The following C11orf91 variants were observed in gnomAD, a reference collection of about 807,000 sequenced individuals.
C11orf91 encodes the protein uncharacterized protein C11orf91.
C11orf91 carries 10 observed loss-of-function variants against 14.3 expected under a neutral mutation model. The ratio of observed to expected loss-of-function variants is 0.70; its 90% CI spans 0.43 to 1.18. The LOEUF is 1.18. Among genes scored for constraint, C11orf91 ranks in the 50% most tolerant of loss-of-function variants. The probability of loss-of-function intolerance (pLI) is 0.00; values close to 1 mark genes in which losing one functional copy is unlikely to be tolerated. For missense variants in C11orf91, 236 were observed against 269.0 expected, an observed-to-expected ratio of 0.88 and a Z score of 0.86; for synonymous variants, 141 against 130.6, an observed-to-expected ratio of 1.08 and a Z score of -0.54.
In C11orf91 at chr11:33,700,794, A is replaced by C; in HGVS notation, c.-54T>G. The C allele has an allele frequency of 8.0e-7, 1 of 1,257,684 alleles. No homozygotes were observed. The allele number at this position is 1,257,684 out of a possible 1,614,324, so 77.9% of individuals were successfully genotyped here. ...ACCCCGCGCCGGGAGACGCGCGCTC[A>C]GGCCCCGAGTCGCCGGGGTTTCGAG... is the stretch of plus-strand genomic sequence containing the variant. On this transcript the variant is annotated 5_prime_UTR_variant, in exon 1 of 2. Coordinates refer to ENST00000379011, the MANE Select transcript of C11orf91 (RefSeq NM_001166692.2).
Position 33,700,431 on chromosome 11 carries a change from C to A in C11orf91, c.310G>T (p.Glu104Ter), listed in dbSNP as rs565706379. Reference sequence around the variant, plus strand: ...GGTGAGTAGAAGAAGCGCAGAGGCTCGTAGGGGATGGAGGCCAGGCCGGAG... The same window carrying A: ...GGTGAGTAGAAGAAGCGCAGAGGCTAGTAGGGGATGGAGGCCAGGCCGGAG... ...WPSGLASIPY[E>*]PLRFFYSPPP... Residue 104 changes from glutamate (E) to a stop codon, truncating the protein, a stop_gained, in exon 1 of 2, where the codon GAG becomes TAG. Transcript: ENST00000379011. LOFTEE classifies it high-confidence loss of function. 3 of 1,414,790 alleles carry A rather than the reference C, an allele frequency of 2.1e-6. No homozygotes were observed. In the African/African-American group the frequency reaches 4.4e-5, roughly 21 times the overall value. 87.6% of individuals were successfully genotyped at this position (1,414,790 alleles called of 1,614,324 possible). A position where few individuals can be genotyped will look rare whatever the true frequency, so the allele number is the denominator to read the frequency against.
chr11:33,700,648 G>A lies in C11orf91; in HGVS notation c.93C>T (p.Ile31=), dbSNP rs1286682193. The A allele has an allele frequency of 3.4e-6, 5 of 1,472,792 alleles. No homozygotes were observed. Among genetic ancestry groups the A allele is most frequent in the Non-Finnish European group, 4.5e-6 (5 of 1,116,270 alleles). The allele number at this position is 1,472,792 out of a possible 1,614,324, so 91.2% of individuals were successfully genotyped here. The part of the protein sequence containing the change: ...LYFPSLYDRG[I]SSSPLSDFNI... ...TGAAGTCGCTGAGCGGGGACGAGGA[G>A]ATGCCGCGGTCGTACAGGGACGGGA... Residue 31 remains isoleucine, a synonymous_variant, in exon 1 of 2, where the codon ATC becomes ATT. Transcript: ENST00000379011.
At chr11:33,704,440 G>C (rs1853227033), upstream of C11orf91, 1 of 152,070 alleles carries the variant, frequency 6.6e-6, no homozygotes, top group African/African-American at 2.4e-5. Context: ...GGAAAATGCA[G>C]CAGGGGGTCC....
chr11:33,698,618 A>C (rs1853065145), intron 1 of C11orf91, 104 bp from the exon 2 acceptor site: 2 of 761,086 alleles, frequency 2.6e-6, no homozygotes, highest in South Asian at 3.3e-5. Context: ...CGACCCTAAA[A>C]CTCCATTTGT....
chr11:33,704,569 C>T (rs771628661), upstream of C11orf91: 17 of 152,178 alleles, frequency 1.1e-4, no homozygotes, highest in Non-Finnish European at 1.9e-4. Flanking sequence ...GTGTCCCAGG[C>T]ACTTGTCTTA....
intron 1 of C11orf91, chr11:33,699,494 C>T: frequency 2.2e-6 from 1 of 452,486 alleles, no homozygotes; most frequent in South Asian, 1.6e-5. Flanking sequence ...GAAAGTTCTA[C>T]TTTGCAATAG....
chr11:33,700,847 G>T, upstream of C11orf91: 1 of 1,098,588 alleles, frequency 9.1e-7, no homozygotes, highest in Non-Finnish European at 1.2e-6. Context: ...CCGATGGAGC[G>T]CGGCCCCACC....
chr11:33,698,488 C>CCTTTTAGTCCTTGTA lies in C11orf91; in HGVS notation c.522_523insTACAAGGACTAAAAG (p.Asp174_Glu175insTyrLysAspTer), dbSNP rs1564961537. 4 of 1,537,462 alleles carry CCTTTTAGTCCTTGTA rather than the reference C, an allele frequency of 2.6e-6. No homozygotes were observed. ...TTGGTCTTCAGTCCTTGTAACTTTTCGTCTTTTAGCGCCTTCAGGAATGTG... is the reference window on the plus strand; with the variant it reads ...TTGGTCTTCAGTCCTTGTAACTTTTCCTTTTAGTCCTTGTAGTCTTTTAGCGCCTTCAGGAATGTG... On this transcript the variant is annotated stop_gained and inframe_insertion, in exon 2 of 2. Transcript: ENST00000379011. LOFTEE classifies it high-confidence loss of function.
rs1853108703 is a variant in C11orf91 at position 33,700,599 on chromosome 11, G to T, written c.142C>A (p.Pro48Thr). 11 of 1,467,230 alleles carry T rather than the reference G, an allele frequency of 7.5e-6. No individual in the cohort carries two copies. Among genetic ancestry groups the T allele is most frequent in the Non-Finnish European group, 9.9e-6 (11 of 1,114,372 alleles). 90.9% of individuals were successfully genotyped at this position (1,467,230 alleles called of 1,614,324 possible). ...ACTGGCGCCCCGCCCGCCTTCAGCG[G>T]CACGAAGAGCTTCTTCCAGATGTTG... is the stretch of plus-strand genomic sequence containing the variant. ...DFNIWKKLFV[P>T]LKAGGAPVGG... Residue 48 changes from proline (P) to threonine (T), a missense_variant, in exon 1 of 2, where the codon CCG (proline) becomes ACG (threonine). Transcript: ENST00000379011.
At chr11:33,700,833 C>T, upstream of C11orf91, 1 of 1,175,136 alleles carries the variant, frequency 8.5e-7, no homozygotes, top group Non-Finnish European at 1.1e-6. Context: ...CCACAAGCCC[C>T]GCCCCGATGG....
intron 1 of C11orf91, chr11:33,699,429 T>G: frequency 2.4e-6 from 1 of 411,370 alleles, no homozygotes; most frequent in Non-Finnish European, 5.0e-6. Context: ...AGGACAAGCC[T>G]TAGCCAAAAC....
chr11:33,700,523 G>A lies in C11orf91; in HGVS notation c.218C>T (p.Ala73Val). Residue 73 changes from alanine to valine, a missense_variant, in exon 1 of 2, where the codon GCG (alanine) becomes GTG (valine). Ala to Val is a moderately conservative substitution (Grantham distance 64). Transcript: ENST00000379011. Reference protein sequence around the residue: ...RSLSQALPAPAPPPPPPPGLG... With the variant: ...RSLSQALPAPVPPPPPPPGLG... ...GCCGGGTGGTGGCGGGGGCGGGGGCGCCGGGGCGGGGAGCGCCTGGGACAG... is the reference window on the plus strand; with the variant it reads ...GCCGGGTGGTGGCGGGGGCGGGGGCACCGGGGCGGGGAGCGCCTGGGACAG... 2 of 1,329,286 alleles carry A rather than the reference G, an allele frequency of 1.5e-6. No individual in the cohort carries two copies. The highest frequency in any genetic ancestry group is 9.6e-7 in the Non-Finnish European group (1 of 1,046,214). The allele number at this position is 1,329,286 out of a possible 1,614,324, so 82.3% of individuals were successfully genotyped here.
At chr11:33,705,592 T>C (rs1201160102), upstream of C11orf91, 1 of 152,306 alleles carries the variant, frequency 6.6e-6, no homozygotes, top group Admixed American at 6.5e-5. Context: ...GGCCACAGAC[T>C]GAAGGCTGGC....
upstream of C11orf91, chr11:33,705,436 G>A (rs1271455055): frequency 6.6e-6 from 1 of 152,230 alleles, no homozygotes; most frequent in Middle Eastern, 3.2e-3. Context: ...TGGCCACTAT[G>A]GTGGTAGACA....
At chr11:33,699,793 A>G (rs1853089873) in intron 1 of C11orf91, among the ~76,000 whole-genome samples, 1 of 152,174 alleles carries the variant, frequency 6.6e-6, no homozygotes, top group Admixed American at 6.5e-5. Flanking sequence ...ACCTCCCCCT[A>G]CAGACAACTG....
intron 1 of C11orf91, chr11:33,699,587 C>A (rs1206170112): frequency 6.6e-6 from 3 of 456,204 alleles, no homozygotes; most frequent in Non-Finnish European, 1.3e-5. Context: ...AGGGATCCTG[C>A]CCGCATCAGC....
At chr11:33,701,866 T>C (rs1021327081), upstream of C11orf91, among the ~76,000 whole-genome samples, 5 of 151,618 alleles carry the variant, frequency 3.3e-5, no homozygotes, top group Admixed American at 6.6e-5. Flanking sequence ...TTCCATAAAA[T>C]AGAAATAAGA....
chr11:33,699,757 G>T, intron 1 of C11orf91: 1 of 396,614 alleles, frequency 2.5e-6, no homozygotes, highest in Non-Finnish European at 5.1e-6. Flanking sequence ...AACGGCCTTG[G>T]GCCTTGTGGT....
intron 1 of C11orf91, chr11:33,699,695 G>C (rs994025425): frequency 4.4e-6 from 2 of 454,190 alleles, no homozygotes; most frequent in African/African-American, 2.0e-5. Context: ...CAGAGTCCCA[G>C]GGGGGCTGCC....
Sources: gnomAD v4.1 joint callset for allele counts (sites outside exome capture counted in the v4.1 genomes callset) on GRCh38, gnomAD v4.1.1 for gene constraint, MANE v1.5 for transcripts, NCBI Gene and HGNC (gene_info 2026-07-23, HGNC 2026-07-21) for gene names.